SCIN: variants seen among roughly 807,000 people sequenced by gnomAD.
SCIN encodes the protein scinderin, also known as adseverin.
In SCIN, 91 loss-of-function variants were observed where a neutral mutation model predicts 91.8. That is an observed-to-expected ratio of 0.99 (90% CI 0.84 to 1.18). The LOEUF is 1.18. Ranked by LOEUF, SCIN falls within the 50% of genes most tolerant of loss-of-function variation. SCIN has a pLI of 0.00. For synonymous variants in SCIN, 367 were observed against 312.6 expected (o/e 1.17, Z -1.84); for missense variants, 1,087 against 863.9 (o/e 1.26, Z -3.24).
At chr7:12,594,695 G>A (rs1385061546) in intron 3 of SCIN, among the ~76,000 whole-genome samples, 2 of 152,098 alleles carry the variant, frequency 1.3e-5, no homozygotes, top group Non-Finnish European at 2.9e-5. Flanking sequence ...TGGAGGAGGT[G>A]AGGGTAGAGG....
intron 3 of SCIN, among the ~76,000 whole-genome samples, chr7:12,587,733 A>T (rs1034426235): frequency 1.3e-5 from 2 of 152,180 alleles, no homozygotes; most frequent in African/African-American, 4.8e-5. Flanking sequence ...GGTGTAGGAC[A>T]AATCAATTGG....
chr7:12,617,607 T>A (rs1237254788), intron 4 of SCIN, among the ~76,000 whole-genome samples: 1 of 152,082 alleles, frequency 6.6e-6, no homozygotes, highest in East Asian at 1.9e-4. Flanking sequence ...CCTAATAATT[T>A]GTCCAGGGGA....
intron 4 of SCIN, among the ~76,000 whole-genome samples, chr7:12,608,691 C>T (rs1275223855): frequency 6.6e-6 from 1 of 152,122 alleles, no homozygotes; most frequent in Non-Finnish European, 1.5e-5. Context: ...GTTGGCCAGG[C>T]TGGTCTCAAA....
intron 4 of SCIN, among the ~76,000 whole-genome samples, chr7:12,613,695 G>A (rs943696426): frequency 4.0e-5 from 6 of 151,836 alleles, no homozygotes; most frequent in African/African-American, 1.5e-4. Flanking sequence ...TGTTTGCAGG[G>A]GTATCTAGTG....
rs190012320 is a variant in SCIN at position 12,631,344 on chromosome 7, C to G, written c.1319+2122C>G. Among the ~76,000 whole-genome samples, 3 of 152,218 alleles carry G rather than the reference C, an allele frequency of 2.0e-5. No homozygotes were observed. In the East Asian group the frequency reaches 5.8e-4, roughly 29 times the overall value. ...AGATGATTAACAGGTGTTTTTAGTGCAATATAAAGGATTTTATGTAAGATC... is the reference window on the plus strand; with the variant it reads ...AGATGATTAACAGGTGTTTTTAGTGGAATATAAAGGATTTTATGTAAGATC... On this transcript the variant is annotated intron_variant, in intron 9 of 15. Coordinates refer to ENST00000297029, the MANE Select transcript of SCIN (RefSeq NM_001112706.3).
rs531741982 is a variant in SCIN at position 12,594,080 on chromosome 7, C to T, written c.517-10434C>T. On this transcript the variant is annotated intron_variant, in intron 3 of 15. Coordinates refer to ENST00000297029, the MANE Select transcript of SCIN (RefSeq NM_001112706.3). ...GATCCCCTCAACTCCCGCTACTTCCCGGAGAGGAAGCAAGGGAGCTGGTTG... is the reference window on the plus strand; with the variant it reads ...GATCCCCTCAACTCCCGCTACTTCCTGGAGAGGAAGCAAGGGAGCTGGTTG... Among the ~76,000 whole-genome samples, 13 of 152,230 alleles carry T rather than the reference C, an allele frequency of 8.5e-5. No homozygotes were observed. In the South Asian group the frequency reaches 1.0e-3, roughly 12 times the overall value.
At chr7:12,604,436 A>G in intron 3 of SCIN, 78 bp from the exon 4 acceptor site, 1 of 1,306,520 alleles carries the variant, frequency 7.7e-7, no homozygotes, top group South Asian at 1.4e-5. Flanking sequence ...TTCTTTCCTA[A>G]TTAATCACAA....
chr7:12,582,213 C>T (rs373669331), intron 3 of SCIN, among the ~76,000 whole-genome samples: 28 of 152,274 alleles, frequency 1.8e-4, no homozygotes, highest in African/African-American at 5.5e-4. Context: ...TGATTCCCCA[C>T]GAAGCATTTT....
rs1784134715 is a variant in SCIN at position 12,654,376 on chromosome 7, A to G, written c.*1661A>G. ...AACTTGATTATGACCATGTGACCCA[A>G]TTCTGACATTTGCCTAAAGGAAAAT... On this transcript the variant is annotated 3_prime_UTR_variant, in exon 16 of 16. Coordinates refer to ENST00000297029, the MANE Select transcript of SCIN (RefSeq NM_001112706.3). 6.6e-6 allele frequency: 1 copy of G among 152,102 alleles called. No individual in the cohort carries two copies. Among genetic ancestry groups the G allele is most frequent in the South Asian group, 2.1e-4 (1 of 4,830 alleles). 9.4% of individuals were successfully genotyped at this position (152,102 alleles called of 1,614,324 possible).
At chr7:12,623,480 C>T (rs994623433) in intron 5 of SCIN, among the ~76,000 whole-genome samples, 2 of 152,178 alleles carry the variant, frequency 1.3e-5, no homozygotes, top group Non-Finnish European at 2.9e-5. Context: ...TATGCACACA[C>T]AACAAAGAAA....
At chr7:12,631,303 A>G (rs1384528582) in intron 9 of SCIN, among the ~76,000 whole-genome samples, 1 of 152,206 alleles carries the variant, frequency 6.6e-6, no homozygotes, top group Non-Finnish European at 1.5e-5. Flanking sequence ...TCAGGAGCTT[A>G]TACGTAATGA....
intron 4 of SCIN, among the ~76,000 whole-genome samples, chr7:12,604,980 T>G (rs1441311744): frequency 6.6e-6 from 1 of 151,772 alleles, no homozygotes; most frequent in African/African-American, 2.4e-5. Flanking sequence ...GAATGTATTT[T>G]GGAAGGAAGA....
intron 9 of SCIN, among the ~76,000 whole-genome samples, chr7:12,633,262 A>G (rs571081961): frequency 6.6e-6 from 1 of 152,350 alleles, no homozygotes; most frequent in African/African-American, 2.4e-5. Flanking sequence ...CTGAAATAAC[A>G]GGTAATTAAA....
chr7:12,649,000 AT>A (rs943027363), intron 13 of SCIN, among the ~76,000 whole-genome samples: 3 of 152,084 alleles, frequency 2.0e-5, no homozygotes, highest in Non-Finnish European at 4.4e-5. Flanking sequence ...CAGTGATTTG[AT>A]TGGTTACAGA....
At position 12,570,918 on chromosome 7, in the gene SCIN, T is replaced by C. The variant is rs2115193781; in HGVS notation, c.132T>C (p.Asp44=). 1.9e-6 allele frequency: 3 copies of C among 1,551,564 alleles called. No individual in the cohort carries two copies. In the South Asian group the frequency reaches 3.6e-5, roughly 18 times the overall value. ...QSAHGDFYVG[D]AYLVLHTAKT... ...CTCACGGCGACTTCTACGTCGGGGA[T>C]GCCTACCTGGTGCTGCACACGGCCA... The change falls in exon 1 of 16, where the codon GAT becomes GAC. Residue 44 remains aspartate, a synonymous_variant. Coordinates refer to ENST00000297029, the MANE Select transcript of SCIN (RefSeq NM_001112706.3).
chr7:12,637,442 G>A (rs527608297), intron 10 of SCIN, among the ~76,000 whole-genome samples: 1 of 152,214 alleles, frequency 6.6e-6, no homozygotes, highest in African/African-American at 2.4e-5. Flanking sequence ...GGTGGAGAGG[G>A]AGAAAGGATG....
chr7:12,616,535 A>T (rs2691818), intron 4 of SCIN, among the ~76,000 whole-genome samples: 40,052 of 151,990 alleles, frequency 0.26, 5,427 homozygotes, highest in South Asian at 0.38. Flanking sequence ...AATTTGTGGT[A>T]TTCTGTTGTA....
chr7:12,625,158 G>A lies in SCIN; in HGVS notation c.892+16G>A. The A allele has an allele frequency of 6.9e-6, 11 of 1,602,008 alleles. No homozygotes were observed. Among genetic ancestry groups the A allele is most frequent in the Non-Finnish European group, 7.7e-6 (9 of 1,174,052 alleles). Reference sequence around the variant, plus strand: ...GTATGGAAAGGTAAAAAATTCCATTGACGATGCTGTATTTCAGATTTATAG... The same window carrying A: ...GTATGGAAAGGTAAAAAATTCCATTAACGATGCTGTATTTCAGATTTATAG... On this transcript the variant is annotated intron_variant, in intron 6 of 15. Transcript: ENST00000297029.
At chr7:12,603,782 C>T (rs931136805) in intron 3 of SCIN, among the ~76,000 whole-genome samples, 1 of 152,028 alleles carries the variant, frequency 6.6e-6, no homozygotes, top group Non-Finnish European at 1.5e-5. Flanking sequence ...TTAATTTTAA[C>T]AGTTAAGTAT....
Sources: gnomAD v4.1 joint callset for allele counts (sites outside exome capture counted in the v4.1 genomes callset) on GRCh38, gnomAD v4.1.1 for gene constraint, MANE v1.5 for transcripts, NCBI Gene and HGNC (gene_info 2026-07-23, HGNC 2026-07-21) for gene names.